EYS: variants seen among roughly 807,000 people sequenced by gnomAD.
EYS encodes the protein protein eyes shut homolog.
EYS carries 250 observed loss-of-function variants against 282.1 expected under a neutral mutation model. The observed-to-expected ratio is 0.89, with a 90% CI of 0.80 to 0.98. EYS has a LOEUF of 0.98. Ranked by LOEUF, EYS falls within the 50% of genes least tolerant of loss-of-function variation. The probability of loss-of-function intolerance (pLI) is 0.00; values close to 1 mark genes in which losing one functional copy is unlikely to be tolerated. For synonymous variants in EYS, 1,355 were observed against 1,282.9 expected, an observed-to-expected ratio of 1.06 and a Z score of -1.20; for missense variants, 4,016 against 3,709.0, an observed-to-expected ratio of 1.08 and a Z score of -2.15.
At chr6:65,017,400 A>G (rs988414649) in intron 13 of EYS, among the ~76,000 whole-genome samples, 1 of 152,222 alleles carries the variant, frequency 6.6e-6, no homozygotes, top group African/African-American at 2.4e-5. Flanking sequence ...TAAAAAGCAT[A>G]CCTTCAAGTA....
Position 64,388,859 on chromosome 6 carries a change from G to T in EYS, c.5928-19C>A. On this transcript the variant is annotated intron_variant, in intron 28 of 42. Transcript: ENST00000503581. ...TTCTTGCCTGTAACCATTTAAGAAA[G>T]AAATGGTTTTAGTATAAGTCATATA... 1.4e-6 allele frequency: 2 copies of T among 1,466,302 alleles called. No individual in the cohort carries two copies. The highest frequency in any genetic ancestry group is 1.5e-5 in the South Asian group (1 of 66,720). The allele number at this position is 1,466,302 out of a possible 1,614,324, so 90.8% of individuals were successfully genotyped here.
intron 30 of EYS, among the ~76,000 whole-genome samples, chr6:64,301,339 G>A (rs777993685): frequency 3.9e-5 from 6 of 152,090 alleles, no homozygotes; most frequent in African/African-American, 7.2e-5. Flanking sequence ...AACTCCTGTG[G>A]CAAAAAGGAA....
At chr6:64,432,972 C>T (rs1774621991) in intron 28 of EYS, among the ~76,000 whole-genome samples, 1 of 151,904 alleles carries the variant, frequency 6.6e-6, no homozygotes, top group Admixed American at 6.6e-5. Context: ...TGTATTTCAC[C>T]TGATTTTAAG....
In EYS at chr6:64,953,827, T is replaced by A. The variant is rs184622790; in HGVS notation, c.2260-7913A>T. On this transcript the variant is annotated intron_variant, in intron 14 of 42. Transcript: ENST00000503581. The stretch of plus-strand genomic sequence containing the variant: ...AGGCAAAACTTGTAGAAAAACACAA[T>A]TTCTTTTACTTGGGAAAATGTAATA... Among the ~76,000 whole-genome samples, 541 of 152,064 alleles carry A rather than the reference T, an allele frequency of 3.6e-3. 4 individuals are homozygous for A. Among genetic ancestry groups the A allele is most frequent in the Non-Finnish European group, 3.3e-3 (225 of 67,872 alleles).
At position 64,591,930 on chromosome 6, in the gene EYS, A is replaced by G; in HGVS notation, c.3937T>C (p.Leu1313=). 1 of 1,540,536 alleles carries G rather than the reference A, an allele frequency of 6.5e-7. No homozygotes were observed. The highest frequency in any genetic ancestry group is 8.8e-7 in the Non-Finnish European group (1 of 1,139,872). Residue 1313 remains leucine, a synonymous_variant, in exon 26 of 43, where the codon TTA becomes CTA. Coordinates refer to ENST00000503581, the MANE Select transcript of EYS (RefSeq NM_001142800.2). ...DILPTTGLAT[L]RISTPLESYL... ...CTTTCCAAGGGTGTGCTAATTCTTA[A>G]TGTTGCCAAACCAGTGGTTGGGAGA...
Position 65,203,817 on chromosome 6 carries a change from A to C in EYS, c.2023+92046T>G, listed in dbSNP as rs183188067. Among the ~76,000 whole-genome samples the C allele has an allele frequency of 3.9e-3, 601 of 152,262 alleles. 3 individuals carry two copies. Among genetic ancestry groups the C allele is most frequent in the African/African-American group, 0.014 (576 of 41,570 alleles). The stretch of plus-strand genomic sequence containing the variant: ...AGTGAGATTCAAGAGAAGGTTAAAA[A>C]CCAACTCAAAGAAAGTGGAATAACA... On this transcript the variant is annotated intron_variant, in intron 12 of 42. Transcript: ENST00000503581.
At chr6:63,724,041 A>G (rs978716642) in intron 42 of EYS, among the ~76,000 whole-genome samples, 3 of 152,134 alleles carry the variant, frequency 2.0e-5, no homozygotes, top group African/African-American at 7.2e-5. Flanking sequence ...TCCTGACTTC[A>G]GGTGATCCGC....
In EYS at chr6:63,721,200, A is replaced by T. The variant is rs1554163911; in HGVS notation, c.8831T>A (p.Val2944Glu). ...SYSCLCTLGW[V>E]GRYCENKTSF... ...AGTTTTGTTTTCACAATACCTTCCC[A>T]CCCAACCCAAAGTACACAGGCAACT... Residue 2944 changes from valine to glutamate, a missense_variant, in exon 43 of 43, where the codon GTG becomes GAG. Physicochemically the swap from Val to Glu is moderately radical, Grantham distance 121. Transcript: ENST00000503581. 6.4e-7 allele frequency: 1 copy of T among 1,551,712 alleles called. No homozygotes were observed. Among genetic ancestry groups the T allele is most frequent in the East Asian group, 2.4e-5 (1 of 40,918 alleles).
intron 19 of EYS, among the ~76,000 whole-genome samples, chr6:64,848,181 A>G (rs1765774223): frequency 6.6e-6 from 1 of 151,986 alleles, no homozygotes; most frequent in Admixed American, 6.6e-5. Context: ...AATGATTTTG[A>G]TTACGACAGC....
At chr6:63,945,892 A>G (rs1214500796) in intron 35 of EYS, among the ~76,000 whole-genome samples, 1 of 152,174 alleles carries the variant, frequency 6.6e-6, no homozygotes, top group Non-Finnish European at 1.5e-5. Flanking sequence ...TCACTCTCTA[A>G]TGGCTTCACA....
intron 2 of EYS, among the ~76,000 whole-genome samples, chr6:65,615,956 A>T (rs945454871): frequency 1.3e-5 from 2 of 151,364 alleles, no homozygotes; most frequent in African/African-American, 4.9e-5. Flanking sequence ...AAAAAGAAAG[A>T]AAAAAAAATT....
At position 64,101,580 on chromosome 6, in the gene EYS, T is replaced by A. The variant is rs535908048; in HGVS notation, c.6425-19578A>T. 1.7e-3 allele frequency among the ~76,000 whole-genome samples: 265 copies of A among 152,032 alleles called. 1 individual carries two copies. The highest frequency in any genetic ancestry group is 2.9e-3 in the Non-Finnish European group (198 of 67,990). ...GCAACAAAAAAAAAATGATTTTGTT[T>A]GTTAGGTTTATCGGTATGTCTCTAC... On this transcript the variant is annotated intron_variant, in intron 31 of 42. Coordinates refer to ENST00000503581, the MANE Select transcript of EYS (RefSeq NM_001142800.2).
At chr6:64,666,751 C>T (rs535842978) in intron 22 of EYS, among the ~76,000 whole-genome samples, 2 of 152,338 alleles carry the variant, frequency 1.3e-5, no homozygotes, top group African/African-American at 2.4e-5. Flanking sequence ...ATGCTCTACA[C>T]ACATCTCAAA....
intron 33 of EYS, among the ~76,000 whole-genome samples, chr6:64,035,334 A>T (rs994306317): frequency 6.6e-6 from 1 of 152,230 alleles, no homozygotes; most frequent in Non-Finnish European, 1.5e-5. Flanking sequence ...TAGAAACTAT[A>T]CTTTCATGCT....
Position 64,684,883 on chromosome 6 carries a change from C to A in EYS, c.3444-58638G>T, listed in dbSNP as rs114118441. ...AGAATAGGAAGTAAATTATCAATAC[C>A]AGATGGGATAAATAGAAAATTAATA... On this transcript the variant is annotated intron_variant, in intron 22 of 42. Coordinates refer to ENST00000503581, the MANE Select transcript of EYS (RefSeq NM_001142800.2). Among the ~76,000 whole-genome samples, 242 of 151,754 alleles carry A rather than the reference C, an allele frequency of 1.6e-3. 2 individuals are homozygous for A. The highest frequency in any genetic ancestry group is 5.2e-3 in the African/African-American group (217 of 41,462).
chr6:65,254,361 T>C (rs1431112868), intron 12 of EYS, among the ~76,000 whole-genome samples: 3 of 151,828 alleles, frequency 2.0e-5, no homozygotes, highest in African/African-American at 7.2e-5. Context: ...TCATTTTGAA[T>C]AAAGTGAAGA....
At chr6:65,134,440 T>G (rs992405130) in intron 12 of EYS, among the ~76,000 whole-genome samples, 1 of 152,072 alleles carries the variant, frequency 6.6e-6, no homozygotes, top group African/African-American at 2.4e-5. Flanking sequence ...GATCATGTCC[T>G]TTGCAGGGAC....
chr6:64,698,834 G>T (rs1362572010), intron 22 of EYS, among the ~76,000 whole-genome samples: 7 of 152,116 alleles, frequency 4.6e-5, no homozygotes, highest in African/African-American at 1.4e-4. Flanking sequence ...TAACATGCTG[G>T]CAAGGTTGCC....
intron 12 of EYS, among the ~76,000 whole-genome samples, chr6:65,233,516 A>C (rs548277291): frequency 2.7e-4 from 41 of 152,294 alleles, no homozygotes; most frequent in Middle Eastern, 3.4e-3. Flanking sequence ...AACATTTTGC[A>C]TAAGCTCTCC....
Sources: allele counts gnomAD v4.1 joint callset (sites outside exome capture counted in the v4.1 genomes callset), GRCh38; gene constraint gnomAD v4.1.1; transcripts MANE v1.5; gene names NCBI Gene and HGNC (gene_info 2026-07-23, HGNC 2026-07-21).